Variants in HEMK2 observed in about 807,000 individuals in gnomAD.
The protein encoded by HEMK2 is methyltransferase HEMK2.
the HEMK2 span, chr21:28,876,462 C>A: frequency 1.2e-6 from 2 of 1,605,622 alleles, no homozygotes; most frequent in African/African-American, 1.3e-5. Context: ...CCTTGCAGAC[C>A]TTTTGTCTTC....
chr21:28,758,941 C>A, the HEMK2 span, among the ~76,000 whole-genome samples: 1 of 152,172 alleles, frequency 6.6e-6, no homozygotes, highest in African/African-American at 2.4e-5. Flanking sequence ...ATGTCTGCTG[C>A]ACTCTCACTC....
At chr21:28,880,198 A>T in the HEMK2 span, among the ~76,000 whole-genome samples, 1 of 152,248 alleles carries the variant, frequency 6.6e-6, no homozygotes, top group Non-Finnish European at 1.5e-5. Flanking sequence ...AACAGCACAT[A>T]TATTTATATT....
At chr21:28,879,811 T>G in the HEMK2 span, 6 of 1,319,148 alleles carry the variant, frequency 4.5e-6, no homozygotes, top group Admixed American at 8.7e-5. Context: ...GACATTCATT[T>G]GATTTTACAA....
At chr21:28,749,619 G>A in the HEMK2 span, among the ~76,000 whole-genome samples, 1 of 152,174 alleles carries the variant, frequency 6.6e-6, no homozygotes, top group Non-Finnish European at 1.5e-5. Context: ...TCAGCACTTG[G>A]TGACCTTGAA....
the HEMK2 span, among the ~76,000 whole-genome samples, chr21:28,870,406 T>C: frequency 1.4e-5 from 2 of 145,948 alleles, no homozygotes; most frequent in African/African-American, 2.5e-5. Flanking sequence ...AAATGTCATT[T>C]CTTTTTTTTT....
chr21:28,650,310 G>A, the HEMK2 span, among the ~76,000 whole-genome samples: 185 of 152,118 alleles, frequency 1.2e-3, 1 homozygote, highest in African/African-American at 4.0e-3. Flanking sequence ...CAGGAGAATC[G>A]TTTGAACCAG....
chr21:28,607,097 A>G, the HEMK2 span, among the ~76,000 whole-genome samples: 1 of 152,168 alleles, frequency 6.6e-6, no homozygotes, highest in Non-Finnish European at 1.5e-5. Context: ...TCAATTTTTA[A>G]TATGAATGAT....
the HEMK2 span, among the ~76,000 whole-genome samples, chr21:28,577,552 A>G: frequency 0.66 from 100,207 of 151,954 alleles, 34,242 homozygotes; most frequent in Non-Finnish European, 0.75. Flanking sequence ...TTGCCCACCT[A>G]ACAACTTTTT....
At chr21:28,601,331 C>T in the HEMK2 span, among the ~76,000 whole-genome samples, 19 of 152,218 alleles carry the variant, frequency 1.2e-4, no homozygotes, top group Admixed American at 1.0e-3. Context: ...CTTCCCCTCA[C>T]CCCCTGTTCC....
At chr21:28,884,960 T>C in the HEMK2 span, among the ~76,000 whole-genome samples, 2 of 152,298 alleles carry the variant, frequency 1.3e-5, no homozygotes, top group East Asian at 3.9e-4. Context: ...AAGATACGCC[T>C]TTGCATGGTA....
the HEMK2 span, among the ~76,000 whole-genome samples, chr21:28,666,046 T>TA: frequency 1.3e-5 from 2 of 152,340 alleles, no homozygotes; most frequent in Middle Eastern, 3.4e-3. Context: ...GTCTTGACCT[T>TA]AAAATCACAA....
At chr21:28,617,815 T>C in the HEMK2 span, among the ~76,000 whole-genome samples, 1,142 of 150,952 alleles carry the variant, frequency 7.6e-3, 17 homozygotes, top group African/African-American at 0.027. Context: ...TAAGACAGAG[T>C]CTCATTCCCG....
chr21:28,591,876 T>C, the HEMK2 span, among the ~76,000 whole-genome samples: 48 of 152,192 alleles, frequency 3.2e-4, no homozygotes, highest in Non-Finnish European at 5.7e-4. Flanking sequence ...GCAAAGGTAA[T>C]TGTCTCGTTC....
the HEMK2 span, among the ~76,000 whole-genome samples, chr21:28,751,179 C>T: frequency 2.7e-5 from 4 of 148,192 alleles, no homozygotes; most frequent in East Asian, 4.0e-4. Flanking sequence ...TGCAGTGAGC[C>T]GAGATCACGC....
chr21:28,747,344 T>TA, the HEMK2 span, among the ~76,000 whole-genome samples: 26 of 152,196 alleles, frequency 1.7e-4, 1 homozygote, highest in Non-Finnish European at 1.5e-5. Flanking sequence ...TACTTATCTG[T>TA]AAAAATGCAG....
At chr21:28,646,114 TG>T in the HEMK2 span, among the ~76,000 whole-genome samples, 2 of 152,174 alleles carry the variant, frequency 1.3e-5, no homozygotes, top group African/African-American at 4.8e-5. Flanking sequence ...GAAATATCTG[TG>T]TCTTGAGAGA....
At chr21:28,623,941 CCTGCACGTT>C in the HEMK2 span, among the ~76,000 whole-genome samples, 1 of 152,010 alleles carries the variant, frequency 6.6e-6, no homozygotes, top group Admixed American at 6.6e-5. Context: ...ATGTAACAAA[CCTGCACGTT>C]CTGCACATGT....
the HEMK2 span, among the ~76,000 whole-genome samples, chr21:28,695,862 A>G: frequency 1.3e-5 from 2 of 152,124 alleles, no homozygotes; most frequent in African/African-American, 2.4e-5. Flanking sequence ...AGTCTCTTCC[A>G]CCTATGAGCC....
the HEMK2 span, among the ~76,000 whole-genome samples, chr21:28,790,996 A>G: frequency 5.3e-5 from 8 of 152,242 alleles, no homozygotes; most frequent in South Asian, 2.1e-4. Context: ...AAAAAAAAGA[A>G]TATTTTGCAA....
Sources: allele counts gnomAD v4.1 joint callset (sites outside exome capture counted in the v4.1 genomes callset), GRCh38; gene constraint gnomAD v4.1.1; transcripts MANE v1.5; gene names NCBI Gene and HGNC (gene_info 2026-07-23, HGNC 2026-07-21).